SMARCB1: variants seen among roughly 807,000 people sequenced by gnomAD.
The protein encoded by SMARCB1 is SWI/SNF-related matrix-associated actin-dependent regulator of chromatin subfamily B member 1.
In SMARCB1, 5 loss-of-function variants were observed where a neutral mutation model predicts 49.0. The observed-to-expected ratio is 0.10, with a 90% confidence interval of 0.05 to 0.21. The LOEUF (loss-of-function observed/expected upper bound fraction) is 0.21. Ranked by LOEUF, SMARCB1 falls within the 10% of genes least tolerant of loss-of-function variation. SMARCB1 has a pLI of 1.00. For synonymous variants in SMARCB1, 201 were observed against 200.1 expected, an observed-to-expected ratio of 1.00 and a Z score of -0.04; for missense variants, 226 against 509.2, an observed-to-expected ratio of 0.44 and a Z score of 5.35.
chr22:23,813,484 A>G (rs1787191894), intron 5 of SMARCB1, among the ~76,000 whole-genome samples: 1 of 152,250 alleles, frequency 6.6e-6, no homozygotes, highest in Admixed American at 6.5e-5. Context: ...TTATTTCTAT[A>G]TGCCATTAAT....
At chr22:23,825,008 C>T in intron 6 of SMARCB1, 1 of 602,582 alleles carries the variant, frequency 1.7e-6, no homozygotes. Context: ...CCGAGGGTGA[C>T]TGTGCTGGGC....
At chr22:23,798,062 G>A (rs1056983740) in intron 3 of SMARCB1, among the ~76,000 whole-genome samples, 4 of 152,256 alleles carry the variant, frequency 2.6e-5, no homozygotes, top group African/African-American at 9.6e-5. Flanking sequence ...ACTGAGATAG[G>A]GCAGGATGAG....
chr22:23,821,221 C>T (rs1340996856), intron 6 of SMARCB1, among the ~76,000 whole-genome samples: 1 of 152,236 alleles, frequency 6.6e-6, no homozygotes. Flanking sequence ...CCCTTTGGGT[C>T]AGACCAGATG....
rs530036261 is a variant in SMARCB1, at chr22:23,825,462, T to A, written c.986+47T>A. 6 of 1,550,824 alleles carry A rather than the reference T, an allele frequency of 3.9e-6. No homozygotes were observed. The African/African-American group carries it at 8.2e-5, about 21-fold the overall frequency. On this transcript the variant is annotated intron_variant, in intron 7 of 8. Transcript: ENST00000644036. ...TCCCTCCCTCATCTCCCTGCAAAAC[T>A]GTTTTGAGAAAGACTTCTCTGTGTG...
At chr22:23,799,365 G>A (rs367703839) in intron 3 of SMARCB1, among the ~76,000 whole-genome samples, 5 of 150,552 alleles carry the variant, frequency 3.3e-5, no homozygotes, top group South Asian at 4.2e-4. Flanking sequence ...TGCAACCTCC[G>A]CCTCCTGGGT....
chr22:23,803,353 G>A lies in SMARCB1; in HGVS notation c.559G>A (p.Val187Ile). The A allele has an allele frequency of 6.2e-7, 1 of 1,614,176 alleles. No homozygotes were observed. The highest frequency in any genetic ancestry group is 8.5e-7 in the Non-Finnish European group (1 of 1,180,020). Residue 187 changes from valine (V) to isoleucine (I), a missense_variant, in exon 5 of 9, where the codon GTC (valine) becomes ATC (isoleucine). By Grantham distance (29) the Val-to-Ile change is conservative. This residue lies in a region of SMARCB1 where 128 missense variants were observed against 263.9 expected (regional missense o/e 0.49). Transcript: ENST00000644036. ...HENASQPEVL[V>I]PIRLDMEIDG... ...GAACGCATCTCAGCCCGAGGTGCTG[G>A]TCCCCATCCGGCTGGACATGGAGAT...
intron 3 of SMARCB1, among the ~76,000 whole-genome samples, chr22:23,799,068 AG>A (rs1044374762): frequency 9.3e-5 from 14 of 150,770 alleles, no homozygotes; most frequent in African/African-American, 3.4e-4. Context: ...AAAAAAAAAA[AG>A]TTTGTCATGA....
Position 23,825,214 on chromosome 22 carries a change from T to A in SMARCB1, c.796-11T>A, listed in dbSNP as rs1263340164. 1 of 1,613,404 alleles carries A rather than the reference T, an allele frequency of 6.2e-7. No homozygotes were observed. The highest frequency in any genetic ancestry group is 8.5e-7 in the Non-Finnish European group (1 of 1,179,390). ...AAAGCTCTAACTTGTGTCCTTTGGTTGTTGCCTCAGCTGAACATCCATGTG... is the reference window on the plus strand; with the variant it reads ...AAAGCTCTAACTTGTGTCCTTTGGTAGTTGCCTCAGCTGAACATCCATGTG... On this transcript the variant is annotated splice_polypyrimidine_tract_variant and intron_variant, in intron 6 of 8. Coordinates refer to ENST00000644036, the MANE Select transcript of SMARCB1 (RefSeq NM_003073.5).
At chr22:23,821,579 G>A (rs9612465) in intron 6 of SMARCB1, among the ~76,000 whole-genome samples, 18,815 of 152,040 alleles carry the variant, frequency 0.12, 1,253 homozygotes, top group South Asian at 0.27. Flanking sequence ...GCTGGGCACC[G>A]TGGCTCATGC....
At chr22:23,829,359 G>A (rs2030542054) in intron 7 of SMARCB1, among the ~76,000 whole-genome samples, 1 of 152,180 alleles carries the variant, frequency 6.6e-6, no homozygotes, top group Admixed American at 6.5e-5. Context: ...AGGAGACCAG[G>A]GACAGGCAGG....
At chr22:23,831,803 G>A (rs1234451352) in intron 7 of SMARCB1, among the ~76,000 whole-genome samples, 1 of 152,176 alleles carries the variant, frequency 6.6e-6, no homozygotes, top group East Asian at 1.9e-4. Context: ...GAGGAATGAT[G>A]TTTGGGGTCT....
At chr22:23,793,736 T>C in intron 3 of SMARCB1, 48 bp downstream of exon 3, 1 of 1,596,962 alleles carries the variant, frequency 6.3e-7, no homozygotes, top group African/African-American at 1.3e-5. Context: ...TGTGGGGTCT[T>C]TTCTGAGACT....
At position 23,835,962 on chromosome 22, in the gene SMARCB1, T is replaced by A; in HGVS notation, c.*1782T>A. The A allele has an allele frequency of 1.0e-6, 1 of 985,446 alleles. No homozygotes were observed. Among genetic ancestry groups the A allele is most frequent in the South Asian group, 4.7e-5 (1 of 21,288 alleles). The allele number at this position is 985,446 out of a possible 1,614,324, so 61.0% of individuals were successfully genotyped here. On this transcript the variant is annotated 3_prime_UTR_variant, in exon 9 of 9. Coordinates refer to ENST00000644036, the MANE Select transcript of SMARCB1 (RefSeq NM_003073.5). ...TCAACAGAGAACAGTGTTGTTACCA[T>A]GAAAATGACAACCTGTCTTTGGAGG...
In SMARCB1 at chr22:23,834,138, C is replaced by T. The variant is rs751265598; in HGVS notation, c.1119-3C>T. 17 of 1,589,342 alleles carry T rather than the reference C, an allele frequency of 1.1e-5. No individual in the cohort carries two copies. In the African/African-American group the frequency reaches 1.3e-4, roughly 13 times the overall value. On this transcript the variant is annotated splice_polypyrimidine_tract_variant and splice_region_variant and intron_variant, in intron 8 of 8. Coordinates refer to ENST00000644036, the MANE Select transcript of SMARCB1 (RefSeq NM_003073.5). ...CTCATTGCCCTCCCCACTCCTCTTC[C>T]AGGCGGATGAGGCGTCTTGCCAACA...
rs2267046 is a variant in SMARCB1, at chr22:23,833,433, G to A, written c.987-139G>A. Reference sequence around the variant, plus strand: ...TGGCGCCTCCAGCAGCTCCCTTGAGGTTCAGGTGACTGGAGCATCCACTGG... The same window carrying A: ...TGGCGCCTCCAGCAGCTCCCTTGAGATTCAGGTGACTGGAGCATCCACTGG... On this transcript the variant is annotated intron_variant, in intron 7 of 8. Transcript: ENST00000644036. 136,421 of 1,217,222 alleles carry A rather than the reference G, an allele frequency of 0.11. 8,344 individuals are homozygous for A. Among genetic ancestry groups the A allele is most frequent in the South Asian group, 0.17 (14,403 of 82,366 alleles). The allele number at this position is 1,217,222 out of a possible 1,614,324, so 75.4% of individuals were successfully genotyped here. A position where few individuals can be genotyped will look rare whatever the true frequency, so the allele number is the denominator to read the frequency against.
At position 23,836,827 on chromosome 22, in the gene SMARCB1, G is replaced by A; in HGVS notation, c.*2647G>A. ...CCCAAGTAGGGGTCATGGGTAGGAT[G>A]GAAGCTGCCAGAAGCCTCTTAGGCC... On this transcript the variant is annotated 3_prime_UTR_variant, in exon 9 of 9. Coordinates refer to ENST00000644036, the MANE Select transcript of SMARCB1 (RefSeq NM_003073.5). 5 of 1,437,208 alleles carry A rather than the reference G, an allele frequency of 3.5e-6. No individual in the cohort carries two copies. Among genetic ancestry groups the A allele is most frequent in the Non-Finnish European group, 4.6e-6 (5 of 1,094,110 alleles). The allele number at this position is 1,437,208 out of a possible 1,614,324, so 89.0% of individuals were successfully genotyped here.
chr22:23,833,722 T>G lies in SMARCB1; in HGVS notation c.1118+19T>G. ...ACACGAGGTACCCCTGGCCCTGTGG[T>G]CCTGGGCTCTGCCCACAGGCACCTG... On this transcript the variant is annotated intron_variant, in intron 8 of 8. Coordinates refer to ENST00000644036, the MANE Select transcript of SMARCB1 (RefSeq NM_003073.5). 1 of 1,613,658 alleles carries G rather than the reference T, an allele frequency of 6.2e-7. No individual in the cohort carries two copies. Among genetic ancestry groups the G allele is most frequent in the Non-Finnish European group, 8.5e-7 (1 of 1,179,860 alleles).
intron 5 of SMARCB1, among the ~76,000 whole-genome samples, chr22:23,813,441 A>G (rs901004063): frequency 2.0e-5 from 3 of 152,254 alleles, no homozygotes; most frequent in Non-Finnish European, 4.4e-5. Flanking sequence ...CACAAGATAC[A>G]AGGGATACAA....
chr22:23,822,890 G>A (rs773763618), intron 6 of SMARCB1, among the ~76,000 whole-genome samples: 3 of 140,714 alleles, frequency 2.1e-5, no homozygotes, highest in Non-Finnish European at 3.0e-5. Context: ...TGGCACTCCC[G>A]TGCTTTCTGG....
Sources: allele counts gnomAD v4.1 joint callset (sites outside exome capture counted in the v4.1 genomes callset), GRCh38; gene constraint gnomAD v4.1.1; regional missense constraint gnomAD v4.1.1; transcripts MANE v1.5; gene names NCBI Gene and HGNC (gene_info 2026-07-23, HGNC 2026-07-21).